Variants in MROH7 observed in about 807,000 individuals in gnomAD.
The protein encoded by MROH7 is maestro heat like repeat family member 7, also known as maestro heat-like repeat-containing protein family member 7.
MROH7 carries 113 observed loss-of-function variants against 129.2 expected under a neutral mutation model. That is an observed-to-expected ratio of 0.87 (90% confidence interval 0.75 to 1.02). The LOEUF is 1.02. MROH7 is among the 50% of genes least tolerant of loss of function. The pLI, the probability that MROH7 is intolerant of heterozygous loss-of-function variation, is 0.00. For missense variants in MROH7, 1,601 were observed against 1,671.3 expected (o/e 0.96, Z 0.73); for synonymous variants, 655 against 667.9 (o/e 0.98, Z 0.30).
intron 17 of MROH7, 172 bp from the exon 18 acceptor site, chr1:54,700,149 C>T: frequency 1.2e-6 from 1 of 836,430 alleles, no homozygotes; most frequent in East Asian, 2.6e-5. Context: ...AGCTTTGCCA[C>T]ATGGTGCTGA....
chr1:54,680,096 C>A, intron 13 of MROH7, 51 bp downstream of exon 13: 3 of 1,576,460 alleles, frequency 1.9e-6, no homozygotes, highest in Non-Finnish European at 2.6e-6. Context: ...GTTCAAGCAG[C>A]CCCCACCCCA....
In MROH7 at chr1:54,673,094, C is replaced by T; in HGVS notation, c.1603C>T (p.Leu535Phe). 6.2e-7 allele frequency: 1 copy of T among 1,613,430 alleles called. No homozygotes were observed. Reference sequence around the variant, plus strand: ...TTGGTCCTCCTCCCATCCACAGGCTCTTTACCATCAGACCCTGGAGGCCCT... The same window carrying T: ...TTGGTCCTCCTCCCATCCACAGGCTTTTTACCATCAGACCCTGGAGGCCCT... ...DEAKAETIQA[L>F]YHQTLEALQT... is the part of the protein sequence containing the mutation. Residue 535 changes from leucine (L) to phenylalanine (F), a missense_variant, in exon 8 of 24, where the codon CTT becomes TTT. Transcript: ENST00000421030.
intron 3 of MROH7, among the ~76,000 whole-genome samples, chr1:54,664,917 C>A (rs1442675232): frequency 1.3e-5 from 2 of 152,052 alleles, no homozygotes; most frequent in Non-Finnish European, 1.5e-5. Flanking sequence ...GAGGCTGAGG[C>A]AAGAGAATCA....
intron 10 of MROH7, among the ~76,000 whole-genome samples, chr1:54,678,244 A>G (rs1645012878): frequency 6.6e-6 from 1 of 152,216 alleles, no homozygotes; most frequent in South Asian, 2.1e-4. Context: ...CAAAAGACAC[A>G]CTAGAATGTT....
chr1:54,676,853 C>A (rs189569760), intron 10 of MROH7, among the ~76,000 whole-genome samples: 1 of 151,946 alleles, frequency 6.6e-6, no homozygotes, highest in African/African-American at 2.4e-5. Context: ...GGATTACAGG[C>A]ATGCACTACC....
At position 54,686,332 on chromosome 1, in the gene MROH7, G is replaced by A. The variant is rs1645146491; in HGVS notation, c.2595G>A (p.Leu865=). The A allele has an allele frequency of 1.2e-6, 2 of 1,614,046 alleles. No individual in the cohort carries two copies. Among genetic ancestry groups the A allele is most frequent in the South Asian group, 1.1e-5 (1 of 91,094 alleles). ...GTGTGAGGCGCATCTACCCTCAGCT[G>A]CTCCTGGCCCTGCTCATTCAGGTCC... ...MGRVRRIYPQ[L]LLALLIQVHY... is the part of the protein sequence containing the mutation. The change falls in exon 15 of 24, where the codon CTG becomes CTA. Residue 865 remains leucine, a synonymous_variant. Coordinates refer to ENST00000421030, the MANE Select transcript of MROH7 (RefSeq NM_001039464.4).
At position 54,653,815 on chromosome 1, in the gene MROH7, T is replaced by C; in HGVS notation, c.889T>C (p.Tyr297His). The change falls in exon 3 of 24, where the codon TAT (tyrosine) becomes CAT (histidine). Residue 297 changes from tyrosine to histidine, a missense_variant. Physicochemically the swap from Tyr to His is moderately conservative, Grantham distance 83. Coordinates refer to ENST00000421030, the MANE Select transcript of MROH7 (RefSeq NM_001039464.4). The part of the protein sequence containing the change: ...DLSVTITQAS[Y>H]VTLIPGSSYG... The stretch of plus-strand genomic sequence containing the variant: ...GAGCGTGACCATCACTCAAGCCTCG[T>C]ATGTGACCCTGATTCCTGGCTCCAG... 6.2e-7 allele frequency: 1 copy of C among 1,614,112 alleles called. No individual in the cohort carries two copies. The highest frequency in any genetic ancestry group is 1.1e-5 in the South Asian group (1 of 91,078).
At chr1:54,652,816 T>G in intron 2 of MROH7, 37 bp from the exon 3 acceptor site, 1 of 1,403,632 alleles carries the variant, frequency 7.1e-7, no homozygotes, top group Non-Finnish European at 9.7e-7. Flanking sequence ...CCTTAACAGG[T>G]GTGGCATGGC....
At chr1:54,664,109 T>C (rs1042201257) in intron 3 of MROH7, 1 of 182,288 alleles carries the variant, frequency 5.5e-6, no homozygotes, top group Non-Finnish European at 1.2e-5. Context: ...GGGACACTCT[T>C]AGGAGTGGAG....
At chr1:54,654,340 C>T (rs546278331) in intron 3 of MROH7, among the ~76,000 whole-genome samples, 183 bp downstream of exon 3, 2 of 152,340 alleles carry the variant, frequency 1.3e-5, no homozygotes, top group African/African-American at 4.8e-5. Context: ...CTGGGACAAG[C>T]TAATTAATCT....
chr1:54,663,142 G>T (rs1220054720), intron 3 of MROH7, among the ~76,000 whole-genome samples: 1 of 152,014 alleles, frequency 6.6e-6, no homozygotes, highest in Non-Finnish European at 1.5e-5. Context: ...GTGTGGTCAG[G>T]TACTTTGAAA....
rs17110907 is a variant in MROH7 at position 54,667,112 on chromosome 1, G to A, written c.1306-1742G>A. On this transcript the variant is annotated intron_variant, in intron 4 of 23. Coordinates refer to ENST00000421030, the MANE Select transcript of MROH7 (RefSeq NM_001039464.4). ...CAGGCACTGGGAATACAACAATGGT[G>A]TGACCTGACATTCTAGTTTGGGGAG... is the stretch of plus-strand genomic sequence containing the variant. 4.2e-3 allele frequency among the ~76,000 whole-genome samples: 637 copies of A among 152,294 alleles called. 8 individuals carry two copies. Among genetic ancestry groups the A allele is most frequent in the African/African-American group, 0.015 (614 of 41,550 alleles).
At chr1:54,695,166 T>G (rs948695182) in intron 16 of MROH7, among the ~76,000 whole-genome samples, 1 of 152,180 alleles carries the variant, frequency 6.6e-6, no homozygotes, top group African/African-American at 2.4e-5. Flanking sequence ...CAAGTCTCTT[T>G]CCCATTCTGG....
chr1:54,679,525 A>G, intron 12 of MROH7, 86 bp downstream of exon 12: 1 of 1,446,564 alleles, frequency 6.9e-7, no homozygotes, highest in Non-Finnish European at 9.5e-7. Context: ...CCGGCCAGAC[A>G]GTGGGCAGGG....
intron 16 of MROH7, among the ~76,000 whole-genome samples, chr1:54,693,660 C>T (rs1645274963): frequency 6.6e-6 from 1 of 152,098 alleles, no homozygotes; most frequent in Admixed American, 6.6e-5. Flanking sequence ...TGCACAGCTT[C>T]CCACGGGGTC....
At chr1:54,695,321 C>T in intron 16 of MROH7, 55 bp from the exon 17 acceptor site, 1 of 944,978 alleles carries the variant, frequency 1.1e-6, no homozygotes, top group Non-Finnish European at 1.7e-6. Context: ...ATCCCCCCCA[C>T]AGGTCCCCCT....
intron 21 of MROH7, among the ~76,000 whole-genome samples, chr1:54,704,553 A>G (rs1645496910): frequency 6.8e-6 from 1 of 147,578 alleles, no homozygotes; most frequent in Non-Finnish European, 1.5e-5. Context: ...ATTCTCCTGC[A>G]TCGGCCTCCC....
At position 54,658,050 on chromosome 1, in the gene MROH7, C is replaced by T. The variant is rs1323146762; in HGVS notation, c.1231+3893C>T. ...TTGGCACCATTTCCTCTCCATAACT[C>T]TTCATCTTATGAACCTCAAACTCCA... On this transcript the variant is annotated intron_variant, in intron 3 of 23. Coordinates refer to ENST00000421030, the MANE Select transcript of MROH7 (RefSeq NM_001039464.4). 2.0e-5 allele frequency among the ~76,000 whole-genome samples: 3 copies of T among 152,128 alleles called. No individual in the cohort carries two copies. The East Asian group carries it at 5.8e-4, about 29-fold the overall frequency.
chr1:54,670,024 T>G (rs1413631190), intron 5 of MROH7, among the ~76,000 whole-genome samples: 2 of 129,546 alleles, frequency 1.5e-5, no homozygotes, highest in African/African-American at 5.9e-5. Flanking sequence ...AAAAAAAAAA[T>G]AGTTCAAGAT....
Sources: allele counts gnomAD v4.1 joint callset (sites outside exome capture counted in the v4.1 genomes callset), GRCh38; gene constraint gnomAD v4.1.1; transcripts MANE v1.5; gene names NCBI Gene and HGNC (gene_info 2026-07-23, HGNC 2026-07-21).